The following ADGRB3 variants were observed in gnomAD, a reference collection of about 807,000 sequenced individuals.
ADGRB3 encodes brain-specific angiogenesis inhibitor 3.
ADGRB3 carries 37 observed loss-of-function variants against 193.4 expected under a neutral mutation model. That is an observed-to-expected ratio of 0.19 (90% confidence interval 0.15 to 0.25). The LOEUF (loss-of-function observed/expected upper bound fraction) is 0.25. Ranked by LOEUF, ADGRB3 falls within the 10% of genes least tolerant of loss-of-function variation. The pLI is 1.00. For missense variants in ADGRB3, 1,637 were observed against 1,852.9 expected (o/e 0.88, Z 2.14); for synonymous variants, 690 against 644.2 (o/e 1.07, Z -1.08).
chr6:69,297,368 T>TCTCTCTCTCTCTCTCTCTCTCTCTC (rs1767846054), intron 20 of ADGRB3, among the ~76,000 whole-genome samples: 6 of 97,630 alleles, frequency 6.1e-5, no homozygotes, highest in African/African-American at 1.6e-4. Flanking sequence ...CTCTCTCTCT[T>TCTCTCTCTCTCTCTCTCTCTCTCTC]TCTCTCTCTC....
At chr6:68,680,910 T>TA (rs1764883350) in intron 3 of ADGRB3, among the ~76,000 whole-genome samples, 1 of 152,148 alleles carries the variant, frequency 6.6e-6, no homozygotes, top group Non-Finnish European at 1.5e-5. Context: ...CTCCATGTCT[T>TA]AGTCTATTTT....
At chr6:68,875,675 T>A (rs1020808182) in intron 3 of ADGRB3, among the ~76,000 whole-genome samples, 9 of 152,070 alleles carry the variant, frequency 5.9e-5, no homozygotes, top group Admixed American at 2.6e-4. Flanking sequence ...GCCTTGTAGA[T>A]CCCAAAGTAT....
chr6:68,751,293 T>C lies in ADGRB3; in HGVS notation c.757+111861T>C, dbSNP rs184158733. 5.0e-4 allele frequency among the ~76,000 whole-genome samples: 76 copies of C among 152,270 alleles called. No homozygotes were observed. The East Asian group carries it at 0.014, about 28-fold the overall frequency. On this transcript the variant is annotated intron_variant, in intron 3 of 31. Transcript: ENST00000370598. ...CGTGTTTCATGGGCCAATTTATCCC[T>C]CTCGGTAAGAATATTCTTAACCAGG...
At chr6:69,008,106 C>A (rs1411635687) in intron 11 of ADGRB3, among the ~76,000 whole-genome samples, 1 of 152,094 alleles carries the variant, frequency 6.6e-6, no homozygotes, top group Non-Finnish European at 1.5e-5. Flanking sequence ...ATTTTAAAGG[C>A]CCCAACTCTT....
At chr6:68,646,933 T>A (rs1425190932) in intron 3 of ADGRB3, among the ~76,000 whole-genome samples, 1 of 152,206 alleles carries the variant, frequency 6.6e-6, no homozygotes, top group East Asian at 1.9e-4. Flanking sequence ...TGATGTTTTG[T>A]GCATGGAATT....
intron 31 of ADGRB3, among the ~76,000 whole-genome samples, chr6:69,386,111 A>G (rs1770064178): frequency 6.6e-6 from 1 of 152,166 alleles, no homozygotes; most frequent in African/African-American, 2.4e-5. Flanking sequence ...TTAATGAATT[A>G]TGAATTAATG....
chr6:69,057,572 C>T (rs1245751229), intron 15 of ADGRB3, among the ~76,000 whole-genome samples: 2 of 151,802 alleles, frequency 1.3e-5, no homozygotes, highest in African/African-American at 4.8e-5. Flanking sequence ...GTGGGTTTTG[C>T]ATATAAGACC....
intron 20 of ADGRB3, among the ~76,000 whole-genome samples, chr6:69,302,514 A>C (rs1208669403): frequency 3.9e-5 from 6 of 151,940 alleles, no homozygotes; most frequent in African/African-American, 1.2e-4. Flanking sequence ...CAACTCCATG[A>C]GTTTAACACT....
intron 30 of ADGRB3, 129 bp from the exon 31 acceptor site, chr6:69,382,702 A>G (rs947043159): frequency 1.7e-5 from 9 of 530,416 alleles, no homozygotes; most frequent in Admixed American, 7.9e-5. Flanking sequence ...GCATTTGTGC[A>G]TCTTATAGGA....
At chr6:69,304,425 T>A (rs1259241618) in intron 20 of ADGRB3, among the ~76,000 whole-genome samples, 1 of 151,638 alleles carries the variant, frequency 6.6e-6, no homozygotes, top group African/African-American at 2.4e-5. Flanking sequence ...TCCTGTATAT[T>A]TCTCAAAGTC....
chr6:68,958,870 AGTGT>A (rs66559521), intron 8 of ADGRB3, among the ~76,000 whole-genome samples: 24,682 of 147,116 alleles, frequency 0.17, 2,217 homozygotes, highest in Non-Finnish European at 0.19. Flanking sequence ...AAAGAAAAAT[AGTGT>A]GTGTGTGTGT....
intron 3 of ADGRB3, among the ~76,000 whole-genome samples, chr6:68,717,801 G>A (rs1765512701): frequency 6.6e-6 from 1 of 151,684 alleles, no homozygotes; most frequent in Non-Finnish European, 1.5e-5. Flanking sequence ...AGAAATTTCA[G>A]TGGACAGATG....
At chr6:69,046,631 A>T (rs1176992858) in intron 13 of ADGRB3, among the ~76,000 whole-genome samples, 1 of 152,296 alleles carries the variant, frequency 6.6e-6, no homozygotes, top group African/African-American at 2.4e-5. Context: ...ATATTAGAGG[A>T]TAAATGAAAT....
At chr6:69,200,445 G>A (rs1476701522) in intron 17 of ADGRB3, among the ~76,000 whole-genome samples, 1 of 152,026 alleles carries the variant, frequency 6.6e-6, no homozygotes, top group East Asian at 1.9e-4. Context: ...GTTAGTAAAG[G>A]GAGATCTGTG....
intron 3 of ADGRB3, among the ~76,000 whole-genome samples, chr6:68,790,542 A>G (rs1206247298): frequency 1.7e-4 from 26 of 152,110 alleles, no homozygotes; most frequent in Admixed American, 1.6e-3. Context: ...ACCCCCGAGT[A>G]GGGGCAGACT....
At chr6:69,345,179 AG>A (rs1349775408) in intron 26 of ADGRB3, among the ~76,000 whole-genome samples, 1 of 152,156 alleles carries the variant, frequency 6.6e-6, no homozygotes, top group Non-Finnish European at 1.5e-5. Context: ...AAAGTTCATA[AG>A]TAGCTCAGGG....
intron 20 of ADGRB3, among the ~76,000 whole-genome samples, chr6:69,321,720 A>T (rs979018113): frequency 1.3e-5 from 2 of 151,832 alleles, no homozygotes; most frequent in African/African-American, 4.8e-5. Flanking sequence ...ATGGAAGCTG[A>T]TGTGTCATTT....
chr6:68,658,431 A>G (rs1768542613), intron 3 of ADGRB3, among the ~76,000 whole-genome samples: 1 of 151,182 alleles, frequency 6.6e-6, no homozygotes. Flanking sequence ...TCTGTCTGGT[A>G]ATGTTTCTTC....
At chr6:69,362,778 C>A (rs1769480072) in intron 29 of ADGRB3, among the ~76,000 whole-genome samples, 1 of 151,956 alleles carries the variant, frequency 6.6e-6, no homozygotes, top group Non-Finnish European at 1.5e-5. Flanking sequence ...CCTGAATTAG[C>A]AGAATAGCTG....
Sources: gnomAD v4.1 joint callset for allele counts (sites outside exome capture counted in the v4.1 genomes callset) on GRCh38, gnomAD v4.1.1 for gene constraint, MANE v1.5 for transcripts, NCBI Gene and HGNC (gene_info 2026-07-23, HGNC 2026-07-21) for gene names.